The following SHOX variants were observed in gnomAD, a reference collection of about 807,000 sequenced individuals.
SHOX encodes SHOX homeobox, also known as short stature homeobox protein.
A neutral mutation model predicts 29.6 loss-of-function variants in SHOX; 12 were observed. That is an observed-to-expected ratio of 0.41 (90% CI 0.26 to 0.66). The LOEUF (loss-of-function observed/expected upper bound fraction) is 0.66. SHOX is among the 30% of genes least tolerant of loss of function. The pLI is 0.35. For missense variants in SHOX, 499 were observed against 437.7 expected (o/e 1.14, Z -1.25); for synonymous variants, 214 against 200.6 (o/e 1.07, Z -0.57).
chrX:644,784 G>C lies in SHOX; in HGVS notation c.*148G>C. ...GGAGCTCCTGCAAGAGGCCTGAGGA[G>C]GGAGGCTCCCGGGACCGTCCACGCA... is the stretch of plus-strand genomic sequence containing the variant. On this transcript the variant is annotated 3_prime_UTR_variant, in exon 5 of 5. Coordinates refer to ENST00000686671, the MANE Select transcript of SHOX (RefSeq NM_000451.4). 8.9e-7 allele frequency: 1 copy of C among 1,125,496 alleles called. No individual in the cohort carries two copies. Among genetic ancestry groups the C allele is most frequent in the Non-Finnish European group, 1.2e-6 (1 of 859,406 alleles). The allele number at this position is 1,125,496 out of a possible 1,614,324, so 69.7% of individuals were successfully genotyped here.
Position 634,756 on chromosome X carries a change from C to T in SHOX, c.416C>T (p.Thr139Ile), listed in dbSNP as rs758570651. ...GAGCTCGAGCGACTCTTCGACGAGA[C>T]CCATTACCCCGACGCCTTCATGCGC... ...LNELERLFDETHYPDAFMREE... is the reference protein window; with the variant it reads ...LNELERLFDEIHYPDAFMREE... Residue 139 changes from threonine (T) to isoleucine (I), a missense_variant, in exon 2 of 5, where the codon ACC becomes ATC. By Grantham distance (89) the Thr-to-Ile change is moderately conservative (BLOSUM62 -1). Coordinates refer to ENST00000686671, the MANE Select transcript of SHOX (RefSeq NM_000451.4). 2 of 1,611,014 alleles carry T rather than the reference C, an allele frequency of 1.2e-6. No homozygotes were observed. The highest frequency in any genetic ancestry group is 8.5e-7 in the Non-Finnish European group (1 of 1,178,736).
Position 644,897 on chromosome X carries a change from C to T in SHOX, c.*261C>T, listed in dbSNP as rs1238430718. 1.1e-5 allele frequency: 5 copies of T among 464,870 alleles called. No homozygotes were observed. The highest frequency in any genetic ancestry group is 6.2e-5 in the African/African-American group (3 of 48,300). The allele number at this position is 464,870 out of a possible 1,614,324, so 28.8% of individuals were successfully genotyped here. ...CAGCCCGGGCCTCTCCAAGGCTGCCCGTGCGTCCTGGGACCCTGGAGAAGG... is the reference window on the plus strand; with the variant it reads ...CAGCCCGGGCCTCTCCAAGGCTGCCTGTGCGTCCTGGGACCCTGGAGAAGG... On this transcript the variant is annotated 3_prime_UTR_variant, in exon 5 of 5. Transcript: ENST00000686671.
upstream of SHOX, among the ~76,000 whole-genome samples, chrX:629,552 C>T (rs1371083728): frequency 1.3e-5 from 2 of 149,234 alleles, no homozygotes; most frequent in Admixed American, 6.7e-5. Flanking sequence ...CCCGTCTCTC[C>T]GTTTCTCTCT....
At chrX:641,160 C>T (rs966531535) in intron 4 of SHOX, 73 bp downstream of exon 4, 62 of 1,376,264 alleles carry the variant, frequency 4.5e-5, no homozygotes, top group Middle Eastern at 2.0e-4. Flanking sequence ...TATTTGCTGC[C>T]GCATCCTGAC....
chrX:643,211 G>A (rs1340397168), intron 4 of SHOX, among the ~76,000 whole-genome samples: 2 of 134,790 alleles, frequency 1.5e-5, no homozygotes, highest in Admixed American at 1.5e-4. Context: ...GTCTCTGGAA[G>A]AGGCTTGGAC....
upstream of SHOX, among the ~76,000 whole-genome samples, chrX:628,301 ATC>A (rs1208659831): frequency 1.2e-5 from 1 of 84,282 alleles, no homozygotes; most frequent in East Asian, 3.7e-4. Flanking sequence ...CTCTGTCTCC[ATC>A]TCTTTCTCTG....
chrX:644,540 C>T lies in SHOX; in HGVS notation c.783C>T (p.Ala261=), dbSNP rs1429051778. 10 of 1,517,740 alleles carry T rather than the reference C, an allele frequency of 6.6e-6. No homozygotes were observed. The highest frequency in any genetic ancestry group is 2.2e-4 in the Middle Eastern group (1 of 4,448). 94.0% of individuals were successfully genotyped at this position (1,517,740 alleles called of 1,614,324 possible). A position where few individuals can be genotyped will look rare whatever the true frequency, so the allele number is the denominator to read the frequency against. ...TGGCCGAGTCCGCCTCGGCCGCCGC[C>T]GTGGTCGCCGCCGCCGCCAAAAGCA... ...ASLAESASAA[A]VVAAAAKSNS... is the part of the protein sequence containing the mutation. Residue 261 remains alanine, a synonymous_variant, in exon 5 of 5, where the codon GCC becomes GCT. Coordinates refer to ENST00000686671, the MANE Select transcript of SHOX (RefSeq NM_000451.4).
In SHOX at chrX:644,763, C is replaced by G; in HGVS notation, c.*127C>G. ...CACCGTGCTCCGGGCACCCCGGGAG[C>G]TCCTGCAAGAGGCCTGAGGAGGGAG... On this transcript the variant is annotated 3_prime_UTR_variant, in exon 5 of 5. Transcript: ENST00000686671. 1 of 1,273,460 alleles carries G rather than the reference C, an allele frequency of 7.9e-7. No individual in the cohort carries two copies. The highest frequency in any genetic ancestry group is 1.0e-6 in the Non-Finnish European group (1 of 993,076). The allele number at this position is 1,273,460 out of a possible 1,614,324, so 78.9% of individuals were successfully genotyped here. A position where few individuals can be genotyped will look rare whatever the true frequency, so the allele number is the denominator to read the frequency against.
intron 2 of SHOX, 117 bp downstream of exon 2, chrX:634,943 G>A (rs1197337628): frequency 6.1e-6 from 7 of 1,142,860 alleles, no homozygotes; most frequent in South Asian, 1.6e-5. Flanking sequence ...CCGGAGCGCG[G>A]GGAGGTTGGG....
chrX:651,594 TA>T (rs754859715), downstream of SHOX: 5,021 of 162,436 alleles, frequency 0.031, 5 homozygotes, highest in East Asian at 0.072. Flanking sequence ...ATTCAAGTGT[TA>T]AAAAAAAAAA....
At position 651,094 on chromosome X, in the gene SHOX, C is replaced by G. The variant is rs28408272; in HGVS notation, c.*6458C>G. Among the ~76,000 whole-genome samples, 76,086 of 151,452 alleles carry G rather than the reference C, an allele frequency of 0.5. 19,248 individuals are homozygous for G. The highest frequency in any genetic ancestry group is 0.52 in the Non-Finnish European group (35,074 of 67,828). On this transcript the variant is annotated 3_prime_UTR_variant, in exon 5 of 5. Transcript: ENST00000686671. ...TGCTTCTTACTTTGTGATGTATGTGCATTTGTTATTTATTTTTTTTTCCTT... is the reference window on the plus strand; with the variant it reads ...TGCTTCTTACTTTGTGATGTATGTGGATTTGTTATTTATTTTTTTTTCCTT...
At chrX:627,811 G>A (rs944184316), upstream of SHOX, among the ~76,000 whole-genome samples, 1 of 152,126 alleles carries the variant, frequency 6.6e-6, no homozygotes, top group East Asian at 1.9e-4. Context: ...GGGCCTCACG[G>A]GACCCCCCAG....
At chrX:651,720 G>A (rs1603290652), downstream of SHOX, among the ~76,000 whole-genome samples, 1 of 150,890 alleles carries the variant, frequency 6.6e-6, no homozygotes, top group Admixed American at 6.6e-5. Flanking sequence ...CATTTCCAGG[G>A]TGGGTACCCA....
At chrX:644,273 G>T in intron 4 of SHOX, 118 bp from the exon 5 acceptor site, 1 of 1,293,932 alleles carries the variant, frequency 7.7e-7, no homozygotes, top group Non-Finnish European at 1.0e-6. Context: ...CACGGCTGGA[G>T]AAGGGGCGAC....
chrX:648,880 C>G lies in SHOX; in HGVS notation c.*4244C>G, dbSNP rs914883594. Among the ~76,000 whole-genome samples, 4 of 113,794 alleles carry G rather than the reference C, an allele frequency of 3.5e-5. No individual in the cohort carries two copies. Among genetic ancestry groups the G allele is most frequent in the Non-Finnish European group, 6.1e-5 (3 of 49,006 alleles). The allele number at this position is 113,794 out of a possible 152,430, so 74.7% of individuals were successfully genotyped here. A position where few individuals can be genotyped will look rare whatever the true frequency, so the allele number is the denominator to read the frequency against. On this transcript the variant is annotated 3_prime_UTR_variant, in exon 5 of 5. Coordinates refer to ENST00000686671, the MANE Select transcript of SHOX (RefSeq NM_000451.4). ...GTTCTCACCACCAACGCCCTCTTCT[C>G]TCTCCCTTCTCCTTCCTTCCTTCCT... is the stretch of plus-strand genomic sequence containing the variant.
At chrX:636,205 TA>T (rs2052744407) in intron 2 of SHOX, among the ~76,000 whole-genome samples, 2 of 146,524 alleles carry the variant, frequency 1.4e-5, no homozygotes, top group African/African-American at 5.0e-5. Context: ...TATACATATA[TA>T]AATATATAAA....
At chrX:655,179 C>G (rs1019930254), downstream of SHOX, among the ~76,000 whole-genome samples, 5 of 151,810 alleles carry the variant, frequency 3.3e-5, no homozygotes, top group Non-Finnish European at 7.4e-5. Flanking sequence ...GCCATCTCAG[C>G]TCACTGCAAC....
upstream of SHOX, among the ~76,000 whole-genome samples, chrX:630,141 C>T (rs2052620423): frequency 6.6e-6 from 1 of 152,160 alleles, no homozygotes; most frequent in African/African-American, 2.4e-5. Flanking sequence ...CCGCCGCCGC[C>T]GCCTCCCAAG....
chrX:638,999 G>C (rs1318979404), intron 2 of SHOX, among the ~76,000 whole-genome samples: 1 of 152,208 alleles, frequency 6.6e-6, no homozygotes, highest in Non-Finnish European at 1.5e-5. Context: ...GGGAGAGGAG[G>C]GGGTGGTGTC....
Sources: allele counts gnomAD v4.1 joint callset (sites outside exome capture counted in the v4.1 genomes callset), GRCh38; gene constraint gnomAD v4.1.1; transcripts MANE v1.5; gene names NCBI Gene and HGNC (gene_info 2026-07-23, HGNC 2026-07-21).